Variants in VMP1 observed in about 807,000 individuals in gnomAD.
VMP1 encodes ectopic P-granules autophagy protein 3 homolog.
Under a neutral mutation model 56.0 loss-of-function variants are expected in VMP1, and 11 were observed. That is an observed-to-expected ratio of 0.20 (90% confidence interval 0.12 to 0.32). The LOEUF (loss-of-function observed/expected upper bound fraction) is 0.32, where lower values mean the gene tolerates loss of function less well. Among genes scored for constraint, VMP1 ranks in the 10% least tolerant of loss-of-function variants. The pLI is 1.00. For synonymous variants in VMP1, 149 were observed against 165.0 expected (o/e 0.90, Z 0.74); for missense variants, 296 against 490.3 (o/e 0.60, Z 3.74).
chr17:59,723,645 T>G (rs764019260), intron 1 of VMP1, among the ~76,000 whole-genome samples: 1 of 152,148 alleles, frequency 6.6e-6, no homozygotes, highest in Non-Finnish European at 1.5e-5. Context: ...GCACTGTTTA[T>G]GAAGAAGGAA....
At chr17:59,740,051 T>C (rs2035169419) in intron 5 of VMP1, among the ~76,000 whole-genome samples, 1 of 147,924 alleles carries the variant, frequency 6.8e-6, no homozygotes. Flanking sequence ...CACTCCAACC[T>C]GGGCGACAGA....
chr17:59,808,039 T>C (rs1008052591), intron 7 of VMP1, among the ~76,000 whole-genome samples: 4 of 152,156 alleles, frequency 2.6e-5, no homozygotes, highest in Admixed American at 6.6e-5. Context: ...AGTCAAATAT[T>C]TGTAGCATCA....
At chr17:59,785,048 TAAAA>T (rs2036960359) in intron 7 of VMP1, 1 of 151,974 alleles carries the variant, frequency 6.6e-6, no homozygotes, top group Non-Finnish European at 1.5e-5. Flanking sequence ...ATTTGAAAAA[TAAAA>T]GAACTTATTT....
At chr17:59,718,357 C>G (rs144140807) in intron 1 of VMP1, among the ~76,000 whole-genome samples, 3 of 150,270 alleles carry the variant, frequency 2.0e-5, no homozygotes, top group Admixed American at 6.6e-5. Context: ...CCACCACGCC[C>G]GGCTGATTTT....
At chr17:59,800,308 CTCAT>C (rs2037593092) in intron 7 of VMP1, among the ~76,000 whole-genome samples, 1 of 152,146 alleles carries the variant, frequency 6.6e-6, no homozygotes, top group Admixed American at 6.5e-5. Context: ...TTGTTTCAGA[CTCAT>C]TGTCTACTAT....
chr17:59,823,447 C>CAAA (rs71145578), intron 10 of VMP1, among the ~76,000 whole-genome samples: 1 of 122,214 alleles, frequency 8.2e-6, no homozygotes, highest in African/African-American at 3.3e-5. Context: ...AGATATGTCT[C>CAAA]AAAAAAAAAA....
intron 10 of VMP1, among the ~76,000 whole-genome samples, chr17:59,825,674 A>G (rs1395681920): frequency 6.6e-6 from 1 of 152,168 alleles, no homozygotes; most frequent in Non-Finnish European, 1.5e-5. Context: ...CCATAACTCA[A>G]TCATTGAACT....
At chr17:59,769,300 C>T (rs946602905) in intron 6 of VMP1, among the ~76,000 whole-genome samples, 6 of 151,636 alleles carry the variant, frequency 4.0e-5, no homozygotes, top group Admixed American at 2.0e-4. Context: ...TACAGGCATG[C>T]GCCACCATGC....
At position 59,841,372 on chromosome 17, in the gene VMP1, T is replaced by C. The variant is rs1017061773; in HGVS notation, c.*1461T>C. The C allele has an allele frequency of 8.1e-6, 4 of 492,692 alleles. No homozygotes were observed. Among genetic ancestry groups the C allele is most frequent in the African/African-American group, 7.8e-5 (4 of 51,402 alleles). The allele number at this position is 492,692 out of a possible 1,614,324, so 30.5% of individuals were successfully genotyped here. A position where few individuals can be genotyped will look rare whatever the true frequency, so the allele number is the denominator to read the frequency against. ...CTTTCATCTGACCATCCATATCCAA[T>C]GTTCTCATTTAAACATTACCCAGCA... On this transcript the variant is annotated 3_prime_UTR_variant, in exon 12 of 12. Coordinates refer to ENST00000262291, the MANE Select transcript of VMP1 (RefSeq NM_030938.5).
intron 6 of VMP1, among the ~76,000 whole-genome samples, chr17:59,770,586 CTTT>C (rs532416792): frequency 6.9e-6 from 1 of 144,556 alleles, no homozygotes; most frequent in Admixed American, 6.9e-5. Flanking sequence ...ACGTTTATTT[CTTT>C]TTTTTTTTTT....
chr17:59,792,781 G>A (rs573383243), intron 7 of VMP1, among the ~76,000 whole-genome samples: 10 of 151,082 alleles, frequency 6.6e-5, no homozygotes, highest in East Asian at 4.0e-4. Flanking sequence ...CCCAGGAGGC[G>A]GAGGTTGCAG....
intron 7 of VMP1, among the ~76,000 whole-genome samples, chr17:59,777,418 G>A (rs1598379612): frequency 6.6e-6 from 1 of 151,572 alleles, no homozygotes; most frequent in East Asian, 1.9e-4. Flanking sequence ...GGTATCCAGA[G>A]GACCGATGCC....
At position 59,792,636 on chromosome 17, in the gene VMP1, G is replaced by A. The variant is rs185248719; in HGVS notation, c.715-16160G>A. Reference sequence around the variant, plus strand: ...TCCTAGCACTTTGGGAGGCCGAGGCGGGCGGATCACCTGAGGTCAAGAGTT... The same window carrying A: ...TCCTAGCACTTTGGGAGGCCGAGGCAGGCGGATCACCTGAGGTCAAGAGTT... On this transcript the variant is annotated intron_variant, in intron 7 of 11. Transcript: ENST00000262291. Among the ~76,000 whole-genome samples, 613 of 151,328 alleles carry A rather than the reference G, an allele frequency of 4.1e-3. 9 individuals carry two copies. Among genetic ancestry groups the A allele is most frequent in the African/African-American group, 0.014 (586 of 41,296 alleles).
chr17:59,815,055 C>A (rs1364356595), intron 9 of VMP1, among the ~76,000 whole-genome samples: 3 of 152,096 alleles, frequency 2.0e-5, no homozygotes, highest in Non-Finnish European at 2.9e-5. Context: ...TTCTTTCTTC[C>A]CTTTTTCCTC....
intron 7 of VMP1, among the ~76,000 whole-genome samples, chr17:59,787,188 G>A (rs2037035092): frequency 1.3e-5 from 2 of 152,172 alleles, no homozygotes; most frequent in South Asian, 4.1e-4. Context: ...AGCACTTAGA[G>A]TAATTCTGGA....
At chr17:59,756,364 C>G (rs1334224636) in intron 5 of VMP1, among the ~76,000 whole-genome samples, 1 of 152,164 alleles carries the variant, frequency 6.6e-6, no homozygotes, top group Non-Finnish European at 1.5e-5. Flanking sequence ...GAATCACATT[C>G]CAGACTAACC....
chr17:59,727,831 C>G (rs1016309169), intron 1 of VMP1, among the ~76,000 whole-genome samples: 1 of 152,344 alleles, frequency 6.6e-6, no homozygotes, highest in South Asian at 2.1e-4. Context: ...TTCATCTACA[C>G]ATCAATCATT....
At chr17:59,787,978 C>G (rs1417215802) in intron 7 of VMP1, among the ~76,000 whole-genome samples, 1 of 151,854 alleles carries the variant, frequency 6.6e-6, no homozygotes, top group Non-Finnish European at 1.5e-5. Flanking sequence ...AAAAAATATA[C>G]AATAATGAAG....
intron 7 of VMP1, among the ~76,000 whole-genome samples, chr17:59,803,043 C>A (rs1357172227): frequency 6.6e-6 from 1 of 152,176 alleles, no homozygotes; most frequent in Non-Finnish European, 1.5e-5. Flanking sequence ...CCGCATATGG[C>A]CTTCTGTTGC....
Sources: gnomAD v4.1 joint callset for allele counts (sites outside exome capture counted in the v4.1 genomes callset) on GRCh38, gnomAD v4.1.1 for gene constraint, MANE v1.5 for transcripts, NCBI Gene and HGNC (gene_info 2026-07-23, HGNC 2026-07-21) for gene names.